NDUFAF7: variants seen among roughly 807,000 people sequenced by gnomAD.
The protein encoded by NDUFAF7 is NADH:ubiquinone oxidoreductase complex assembly factor 7.
In NDUFAF7, 48 loss-of-function variants were observed where a neutral mutation model predicts 47.2. The ratio of observed to expected loss-of-function variants is 1.02; its 90% CI spans 0.81 to 1.29. The LOEUF (loss-of-function observed/expected upper bound fraction) is 1.29, where lower values mean the gene tolerates loss of function less well. NDUFAF7 is among the 50% of genes most tolerant of loss of function. The pLI is 0.00. For missense variants in NDUFAF7, 635 were observed against 537.6 expected (o/e 1.18, Z -1.79); for synonymous variants, 217 against 190.0 (o/e 1.14, Z -1.17).
the NDUFAF7 span, among the ~76,000 whole-genome samples, chr2:37,259,862 TATTTA>T: frequency 6.6e-6 from 1 of 152,186 alleles, no homozygotes; most frequent in Non-Finnish European, 1.5e-5. Context: ...AAAGTACTGC[TATTTA>T]ATTATTTTAG....
At chr2:37,236,200 A>C in intron 3 of NDUFAF7, 24 bp downstream of exon 3, 2 of 1,513,334 alleles carry the variant, frequency 1.3e-6, no homozygotes, top group African/African-American at 1.4e-5. Flanking sequence ...TAAAGTATGA[A>C]TGAAGCTAAT....
the NDUFAF7 span, among the ~76,000 whole-genome samples, chr2:37,263,314 AT>A: frequency 4.6e-5 from 7 of 152,238 alleles, 1 homozygote; most frequent in South Asian, 1.5e-3. Context: ...TTGTTTTCTG[AT>A]TTTGTAATTT....
chr2:37,242,291 AAGCCATTCCTGCCTC>A, intron 5 of NDUFAF7: 1 of 277,860 alleles, frequency 3.6e-6, no homozygotes, highest in South Asian at 3.9e-5. Context: ...AAGGGATCTC[AAGCCATTCCTGCCTC>A]AGCCTTCTCA....
chr2:37,239,115 TCTC>T (rs1293088314), intron 4 of NDUFAF7, among the ~76,000 whole-genome samples: 1 of 148,774 alleles, frequency 6.7e-6, no homozygotes, highest in Non-Finnish European at 1.5e-5. Context: ...CTTTTTTCTT[TCTC>T]TTTTTTTTTT....
At chr2:37,265,834 C>T in the NDUFAF7 span, among the ~76,000 whole-genome samples, 1 of 152,108 alleles carries the variant, frequency 6.6e-6, no homozygotes, top group Non-Finnish European at 1.5e-5. Context: ...GTTTTTCATA[C>T]TGTGCATTAC....
downstream of NDUFAF7, chr2:37,251,787 C>A (rs985542006): frequency 2.0e-5 from 3 of 152,012 alleles, no homozygotes; most frequent in African/African-American, 7.2e-5. Flanking sequence ...TGCCGACAGA[C>A]CTGCCATCTG....
the NDUFAF7 span, chr2:37,268,946 A>C: frequency 1.3e-5 from 2 of 153,258 alleles, no homozygotes; most frequent in Non-Finnish European, 2.9e-5. Context: ...ATTGACTCTA[A>C]GAGTTGTATG....
chr2:37,255,152 T>G (rs1242351817), downstream of NDUFAF7, among the ~76,000 whole-genome samples: 1 of 152,202 alleles, frequency 6.6e-6, no homozygotes. Flanking sequence ...AGGTCTGAGA[T>G]AACACTGGTT....
At position 37,231,672 on chromosome 2, in the gene NDUFAF7, TC is replaced by T. The variant is rs765862665; in HGVS notation, c.-32del. Reference sequence around the variant, plus strand: ...TCCCGGAAATGGTCTAAGCCCCAGCTCCTGGCGGAGCGAGCTAGCCTGCGAA... The same window carrying T: ...TCCCGGAAATGGTCTAAGCCCCAGCTCTGGCGGAGCGAGCTAGCCTGCGAA... On this transcript the variant is annotated 5_prime_UTR_variant, in exon 1 of 10. Transcript: ENST00000002125. 9.3e-6 allele frequency: 15 copies of T among 1,613,044 alleles called. No individual in the cohort carries two copies. The highest frequency in any genetic ancestry group is 1.3e-5 in the Non-Finnish European group (15 of 1,179,344).
downstream of NDUFAF7, among the ~76,000 whole-genome samples, chr2:37,250,208 A>C (rs1315969437): frequency 6.6e-6 from 1 of 152,004 alleles, no homozygotes; most frequent in Admixed American, 6.6e-5. Flanking sequence ...GGCCACTCCT[A>C]GTTGTTCTCA....
At chr2:37,245,858 G>C (rs576093548) in intron 7 of NDUFAF7, among the ~76,000 whole-genome samples, 194 bp from the exon 8 acceptor site, 2 of 152,296 alleles carry the variant, frequency 1.3e-5, no homozygotes, top group Admixed American at 6.5e-5. Context: ...AAGTGGGATA[G>C]CATCAAAGAA....
intron 4 of NDUFAF7, among the ~76,000 whole-genome samples, chr2:37,238,820 A>G (rs1216265482): frequency 1.3e-5 from 2 of 151,944 alleles, no homozygotes; most frequent in Non-Finnish European, 2.9e-5. Flanking sequence ...TAGGTCAGTA[A>G]GAAGACAGAT....
the NDUFAF7 span, among the ~76,000 whole-genome samples, chr2:37,265,146 G>C: frequency 6.6e-6 from 1 of 152,096 alleles, no homozygotes; most frequent in Non-Finnish European, 1.5e-5. Context: ...TTCAGGTTTG[G>C]GTGATGAGGG....
At chr2:37,239,875 C>G (rs1666177335) in intron 4 of NDUFAF7, among the ~76,000 whole-genome samples, 2 of 152,114 alleles carry the variant, frequency 1.3e-5, no homozygotes, top group Middle Eastern at 3.2e-3. Context: ...ACTCAAGATT[C>G]AGAATGGTGG....
the NDUFAF7 span, among the ~76,000 whole-genome samples, chr2:37,266,284 T>G: frequency 6.6e-6 from 1 of 152,232 alleles, no homozygotes; most frequent in Non-Finnish European, 1.5e-5. Context: ...GGAGGCTGTC[T>G]TGAATTTCAC....
chr2:37,267,391 G>T, the NDUFAF7 span: 3 of 1,317,366 alleles, frequency 2.3e-6, no homozygotes, highest in South Asian at 1.3e-5. Flanking sequence ...ATTCTTACCA[G>T]CCTCTTTAAT....
At chr2:37,267,259 G>A in the NDUFAF7 span, among the ~76,000 whole-genome samples, 1 of 150,140 alleles carries the variant, frequency 6.7e-6, no homozygotes, top group Non-Finnish European at 1.5e-5. Flanking sequence ...TTTTACTCAC[G>A]AAAATGTGTT....
chr2:37,259,567 C>A, the NDUFAF7 span: 2 of 1,585,598 alleles, frequency 1.3e-6, no homozygotes, highest in Non-Finnish European at 1.7e-6. Context: ...TTAAAAGGTT[C>A]TGGAGAATAT....
chr2:37,259,800 T>C, the NDUFAF7 span: 47 of 669,428 alleles, frequency 7.0e-5, no homozygotes, highest in African/African-American at 8.0e-4. Context: ...TAGCTAAAAG[T>C]GTGTTATTCT....
Sources: gnomAD v4.1 joint callset for allele counts (sites outside exome capture counted in the v4.1 genomes callset) on GRCh38, gnomAD v4.1.1 for gene constraint, MANE v1.5 for transcripts, NCBI Gene and HGNC (gene_info 2026-07-23, HGNC 2026-07-21) for gene names.